The following ADAMTS6 variants were observed in gnomAD, a reference collection of about 807,000 sequenced individuals.
ADAMTS6 encodes the protein ADAM metallopeptidase with thrombospondin type 1 motif 6, also known as A disintegrin and metalloproteinase with thrombospondin motifs 6.
Under a neutral mutation model 144.3 loss-of-function variants are expected in ADAMTS6, and 23 were observed. That is an observed-to-expected ratio of 0.16 (90% CI 0.11 to 0.23). The LOEUF is 0.23. Ranked by LOEUF, ADAMTS6 falls within the 10% of genes least tolerant of loss-of-function variation. ADAMTS6 has a pLI of 1.00. For synonymous variants in ADAMTS6, 444 were observed against 457.5 expected (o/e 0.97, Z 0.38); for missense variants, 999 against 1,379.6 (o/e 0.72, Z 4.37).
chr5:65,392,397 T>G (rs1752997670), intron 7 of ADAMTS6, among the ~76,000 whole-genome samples: 1 of 152,202 alleles, frequency 6.6e-6, no homozygotes, highest in Admixed American at 6.5e-5. Context: ...ATTTTTCAAC[T>G]CCAGGTCTCT....
intron 21 of ADAMTS6, among the ~76,000 whole-genome samples, chr5:65,189,244 T>C (rs79849504): frequency 1.3e-5 from 2 of 152,228 alleles, no homozygotes; most frequent in Admixed American, 1.3e-4. Flanking sequence ...TTGTTTTTTT[T>C]GCAACACTTC....
Position 65,172,872 on chromosome 5 carries a change from C to A in ADAMTS6, c.3047G>T (p.Arg1016Leu). ...PPVRIRCSLG[R>L]CPPPRWVTGD... Reference sequence around the variant, plus strand: ...TGTGACCCAGCGAGGAGGAGGGCAGCGGCCCAAACTGCAGCGGATGCGGAC... The same window carrying A: ...TGTGACCCAGCGAGGAGGAGGGCAGAGGCCCAAACTGCAGCGGATGCGGAC... Residue 1016 changes from arginine (R) to leucine (L), a missense_variant, in exon 23 of 25, where the codon CGC becomes CTC. Physicochemically the swap from Arg to Leu is moderately radical, Grantham distance 102 (BLOSUM62 -2). This residue lies in a region of ADAMTS6 where 619 missense variants were observed against 837.0 expected (regional missense o/e 0.74). Transcript: ENST00000381055. The A allele has an allele frequency of 1.9e-6, 3 of 1,614,218 alleles. No individual in the cohort carries two copies. The highest frequency in any genetic ancestry group is 1.1e-5 in the South Asian group (1 of 91,086).
intron 7 of ADAMTS6, among the ~76,000 whole-genome samples, chr5:65,379,015 A>AT (rs1751805038): frequency 6.6e-6 from 1 of 152,140 alleles, no homozygotes; most frequent in South Asian, 2.1e-4. Flanking sequence ...TTTTAATAAC[A>AT]TTTTTTCATA....
At chr5:65,284,832 A>G (rs1235863644) in intron 11 of ADAMTS6, among the ~76,000 whole-genome samples, 1 of 152,158 alleles carries the variant, frequency 6.6e-6, no homozygotes, top group African/African-American at 2.4e-5. Flanking sequence ...TTTCCACTAC[A>G]ACACACTGGG....
At chr5:65,326,102 A>T (rs1006358892) in intron 9 of ADAMTS6, among the ~76,000 whole-genome samples, 5 of 152,102 alleles carry the variant, frequency 3.3e-5, no homozygotes, top group African/African-American at 1.2e-4. Context: ...TAACCAAAAA[A>T]TGAGTATTTT....
chr5:65,452,634 G>C, intron 5 of ADAMTS6, 73 bp downstream of exon 5: 1 of 1,513,634 alleles, frequency 6.6e-7, no homozygotes, highest in Non-Finnish European at 9.0e-7. Context: ...TTACTTCACA[G>C]CAAAAATTTA....
At chr5:65,285,636 T>G (rs1233968710) in intron 11 of ADAMTS6, among the ~76,000 whole-genome samples, 3 of 152,084 alleles carry the variant, frequency 2.0e-5, no homozygotes, top group Admixed American at 1.3e-4. Flanking sequence ...AAATACTTTC[T>G]AGGGGGGAAA....
Position 65,149,321 on chromosome 5 carries a change from G to C in ADAMTS6, c.*2515C>G, listed in dbSNP as rs112518961. 108 of 152,364 alleles carry C rather than the reference G, an allele frequency of 7.1e-4. No individual in the cohort carries two copies. Among genetic ancestry groups the C allele is most frequent in the African/African-American group, 2.5e-3 (105 of 41,582 alleles). 9.4% of individuals were successfully genotyped at this position (152,364 alleles called of 1,614,324 possible). A position where few individuals can be genotyped will look rare whatever the true frequency, so the allele number is the denominator to read the frequency against. ...TCATGTAGCCATGGGGGTGGCTACA[G>C]AGTAGCAGCAGTATTGTGATGTGCT... On this transcript the variant is annotated 3_prime_UTR_variant, in exon 25 of 25. Coordinates refer to ENST00000381055, the MANE Select transcript of ADAMTS6 (RefSeq NM_197941.4).
intron 14 of ADAMTS6, among the ~76,000 whole-genome samples, chr5:65,244,545 G>A (rs1759468976): frequency 6.6e-6 from 1 of 152,220 alleles, no homozygotes; most frequent in South Asian, 2.1e-4. Flanking sequence ...CTCTCAGGGT[G>A]AGCATAATAA....
intron 7 of ADAMTS6, among the ~76,000 whole-genome samples, chr5:65,354,013 G>A (rs895608615): frequency 3.3e-5 from 5 of 151,788 alleles, no homozygotes; most frequent in Non-Finnish European, 7.4e-5. Context: ...TCTTCCATAC[G>A]TGTTATTTTC....
At chr5:65,352,596 G>A (rs1231335950) in intron 7 of ADAMTS6, among the ~76,000 whole-genome samples, 1 of 151,944 alleles carries the variant, frequency 6.6e-6, no homozygotes, top group Non-Finnish European at 1.5e-5. Flanking sequence ...ACAAAATTTA[G>A]AATAGATCAG....
intron 12 of ADAMTS6, among the ~76,000 whole-genome samples, chr5:65,263,318 T>G (rs1022795218): frequency 6.6e-6 from 1 of 151,896 alleles, no homozygotes. Flanking sequence ...ATTTAAAATT[T>G]TTCTTTATAT....
chr5:65,286,231 A>G (rs1741634998), intron 11 of ADAMTS6, among the ~76,000 whole-genome samples: 1 of 152,230 alleles, frequency 6.6e-6, no homozygotes, highest in Non-Finnish European at 1.5e-5. Flanking sequence ...GTTCGCTGAA[A>G]AAAGTGCCCA....
At chr5:65,422,030 T>G (rs1756087756) in intron 7 of ADAMTS6, among the ~76,000 whole-genome samples, 1 of 151,864 alleles carries the variant, frequency 6.6e-6, no homozygotes, top group Non-Finnish European at 1.5e-5. Flanking sequence ...ACCCACAAAG[T>G]GGGAGAAAAT....
At chr5:65,181,529 T>G (rs866494605) in intron 22 of ADAMTS6, among the ~76,000 whole-genome samples, 1 of 152,196 alleles carries the variant, frequency 6.6e-6, no homozygotes. Flanking sequence ...TTATTATAGA[T>G]GAGGAAAGCT....
At chr5:65,434,824 TAGTC>T (rs1455959687) in intron 7 of ADAMTS6, among the ~76,000 whole-genome samples, 1 of 152,094 alleles carries the variant, frequency 6.6e-6, no homozygotes, top group Admixed American at 6.5e-5. Context: ...GTAGAGCACT[TAGTC>T]AGTGCTTAGC....
At chr5:65,199,783 T>A in intron 20 of ADAMTS6, among the ~76,000 whole-genome samples, 1 of 152,150 alleles carries the variant, frequency 6.6e-6, no homozygotes, top group East Asian at 1.9e-4. Flanking sequence ...GCATTGTGTT[T>A]ATGAGATATA....
chr5:65,328,066 C>T (rs952924813), intron 9 of ADAMTS6, among the ~76,000 whole-genome samples: 2 of 152,012 alleles, frequency 1.3e-5, no homozygotes, highest in East Asian at 1.9e-4. Flanking sequence ...AAGTAGAATA[C>T]CAATATTTTA....
At chr5:65,302,610 A>C (rs1743551424) in intron 9 of ADAMTS6, among the ~76,000 whole-genome samples, 1 of 151,924 alleles carries the variant, frequency 6.6e-6, no homozygotes, top group African/African-American at 2.4e-5. Context: ...GTCTTCAAGG[A>C]ATGTGAAGGT....
Sources: gnomAD v4.1 joint callset for allele counts (sites outside exome capture counted in the v4.1 genomes callset) on GRCh38, gnomAD v4.1.1 for gene constraint, gnomAD v4.1.1 regional missense constraint, MANE v1.5 for transcripts, NCBI Gene and HGNC (gene_info 2026-07-23, HGNC 2026-07-21) for gene names.